Variants in MSI2 observed in about 807,000 individuals in gnomAD.
MSI2 encodes the protein RNA-binding protein Musashi homolog 2.
A neutral mutation model predicts 45.6 loss-of-function variants in MSI2; 17 were observed. The ratio of observed to expected loss-of-function variants is 0.37; its 90% CI spans 0.26 to 0.56. MSI2 has a LOEUF of 0.56. Ranked by LOEUF, MSI2 falls within the 20% of genes least tolerant of loss-of-function variation. MSI2 has a pLI of 0.77. For missense variants in MSI2, 293 were observed against 444.2 expected, an observed-to-expected ratio of 0.66 and a Z score of 3.06; for synonymous variants, 156 against 158.2, an observed-to-expected ratio of 0.99 and a Z score of 0.11.
At chr17:57,273,543 G>T (rs531065912) in intron 5 of MSI2, among the ~76,000 whole-genome samples, 1 of 121,266 alleles carries the variant, frequency 8.2e-6, no homozygotes, top group Non-Finnish European at 1.7e-5. Flanking sequence ...GGTGGGGGGG[G>T]GGACCTCATT....
intron 6 of MSI2, among the ~76,000 whole-genome samples, chr17:57,464,475 A>G (rs1308656985): frequency 1.3e-5 from 2 of 152,182 alleles, no homozygotes; most frequent in Non-Finnish European, 2.9e-5. Context: ...GAGGTGTCTT[A>G]GAAGCAGAAG....
At chr17:57,447,333 G>A (rs981760645) in intron 6 of MSI2, among the ~76,000 whole-genome samples, 1 of 152,274 alleles carries the variant, frequency 6.6e-6, no homozygotes, top group African/African-American at 2.4e-5. Context: ...TGAACTCCTG[G>A]TCTCAAGAAA....
At chr17:57,299,143 A>G (rs1244223275) in intron 5 of MSI2, among the ~76,000 whole-genome samples, 1 of 152,226 alleles carries the variant, frequency 6.6e-6, no homozygotes, top group Non-Finnish European at 1.5e-5. Flanking sequence ...GAAGAGAGCT[A>G]GGGTCTTGCC....
chr17:57,403,479 C>T (rs1489354677), intron 6 of MSI2, among the ~76,000 whole-genome samples: 2 of 152,186 alleles, frequency 1.3e-5, no homozygotes, highest in South Asian at 2.1e-4. Flanking sequence ...GCATGGCACT[C>T]GCTGGGTCTG....
At chr17:57,542,613 AT>A (rs1401195438) in intron 7 of MSI2, among the ~76,000 whole-genome samples, 1 of 152,184 alleles carries the variant, frequency 6.6e-6, no homozygotes, top group Non-Finnish European at 1.5e-5. Flanking sequence ...GAGCCCTGGC[AT>A]TGGTTATTTT....
chr17:57,665,772 C>T (rs1912319689), intron 11 of MSI2, among the ~76,000 whole-genome samples: 1 of 152,182 alleles, frequency 6.6e-6, no homozygotes. Flanking sequence ...CCCCCTGGGT[C>T]CAGGCACTTT....
intron 5 of MSI2, among the ~76,000 whole-genome samples, chr17:57,263,145 G>A (rs1427808405): frequency 2.0e-5 from 3 of 152,084 alleles, no homozygotes; most frequent in Non-Finnish European, 2.9e-5. Flanking sequence ...CCTTTTAATC[G>A]TGTAAAGAGA....
intron 6 of MSI2, among the ~76,000 whole-genome samples, chr17:57,484,925 A>T (rs1174423897): frequency 6.6e-6 from 1 of 151,914 alleles, no homozygotes; most frequent in Non-Finnish European, 1.5e-5. Flanking sequence ...ACATGGTCTC[A>T]CCTTTCTGTA....
At chr17:57,690,000 A>G in the MSI2 span, among the ~76,000 whole-genome samples, 1 of 152,192 alleles carries the variant, frequency 6.6e-6, no homozygotes, top group Non-Finnish European at 1.5e-5. Flanking sequence ...TCTTGGGTAA[A>G]TAGGGCGAAG....
intron 10 of MSI2, chr17:57,631,833 T>A (rs748200164): frequency 6.2e-7 from 1 of 1,613,576 alleles, no homozygotes; most frequent in South Asian, 1.1e-5. Flanking sequence ...ATCAACTAGC[T>A]CTTAAGAGAG....
intron 5 of MSI2, among the ~76,000 whole-genome samples, chr17:57,347,560 C>G (rs544160407): frequency 1.3e-5 from 2 of 152,172 alleles, no homozygotes; most frequent in Non-Finnish European, 2.9e-5. Context: ...GTTTCTCTCT[C>G]AGCATCATGT....
intron 3 of MSI2, among the ~76,000 whole-genome samples, chr17:57,257,986 G>A (rs944712777): frequency 2.6e-5 from 4 of 152,160 alleles, no homozygotes; most frequent in South Asian, 4.1e-4. Flanking sequence ...GAAAGGGAAG[G>A]GGAGGAGGAG....
chr17:57,489,710 A>C (rs2085830517), intron 6 of MSI2, among the ~76,000 whole-genome samples: 1 of 152,200 alleles, frequency 6.6e-6, no homozygotes, highest in South Asian at 2.1e-4. Flanking sequence ...ATTATTTATC[A>C]GTAGCAGCAT....
At chr17:57,332,100 A>ATT (rs138835359) in intron 5 of MSI2, among the ~76,000 whole-genome samples, 94 of 136,446 alleles carry the variant, frequency 6.9e-4, no homozygotes, top group African/African-American at 9.4e-4. Flanking sequence ...TCATGTTGCC[A>ATT]TTTTTTTTTT....
At chr17:57,690,577 C>T in the MSI2 span, among the ~76,000 whole-genome samples, 119 of 152,250 alleles carry the variant, frequency 7.8e-4, 1 homozygote, top group African/African-American at 2.7e-3. Context: ...CAAGATTGTA[C>T]GACTGTACTC....
chr17:57,605,229 T>G (rs1158782446), intron 8 of MSI2, among the ~76,000 whole-genome samples: 1 of 152,136 alleles, frequency 6.6e-6, no homozygotes, highest in Non-Finnish European at 1.5e-5. Context: ...CGCAAGCGCG[T>G]GCACATGCTG....
chr17:57,598,078 G>T (rs1461706793), intron 8 of MSI2, among the ~76,000 whole-genome samples: 3 of 152,230 alleles, frequency 2.0e-5, no homozygotes, highest in Non-Finnish European at 4.4e-5. Flanking sequence ...GTAGGAGGGT[G>T]AGAATTCCCT....
At chr17:57,271,113 C>T (rs1188130905) in intron 5 of MSI2, among the ~76,000 whole-genome samples, 2 of 152,108 alleles carry the variant, frequency 1.3e-5, no homozygotes, top group African/African-American at 4.8e-5. Flanking sequence ...CTTCTCTCTC[C>T]CTGTACTGGT....
At chr17:57,548,839 C>G (rs1011212605) in intron 7 of MSI2, among the ~76,000 whole-genome samples, 1 of 151,932 alleles carries the variant, frequency 6.6e-6, no homozygotes, top group Non-Finnish European at 1.5e-5. Flanking sequence ...TTTAGACACT[C>G]GGCAATTTTT....
Sources: gnomAD v4.1 joint callset for allele counts (sites outside exome capture counted in the v4.1 genomes callset) on GRCh38, gnomAD v4.1.1 for gene constraint, MANE v1.5 for transcripts, NCBI Gene and HGNC (gene_info 2026-07-23, HGNC 2026-07-21) for gene names.